The following KRT8 variants were observed in gnomAD, a reference collection of about 807,000 sequenced individuals.
The protein encoded by KRT8 is keratin 8.
KRT8 carries 24 observed loss-of-function variants against 43.0 expected under a neutral mutation model. That is an observed-to-expected ratio of 0.56 (90% CI 0.40 to 0.78). The LOEUF (loss-of-function observed/expected upper bound fraction) is 0.78. Ranked by LOEUF, KRT8 falls within the 30% of genes least tolerant of loss-of-function variation. KRT8 has a pLI of 0.00. For missense variants in KRT8, 492 were observed against 638.4 expected (o/e 0.77, Z 2.47); for synonymous variants, 214 against 261.2 (o/e 0.82, Z 1.74).
chr12:52,921,096 AAGCCCAGGCC>A (rs1214491254), intron 2 of KRT8, among the ~76,000 whole-genome samples: 2 of 152,312 alleles, frequency 1.3e-5, no homozygotes, highest in East Asian at 1.9e-4. Context: ...GGAATGGGCT[AAGCCCAGGCC>A]AGCCCAGGCC....
upstream of KRT8, chr12:52,906,689 G>A: frequency 2.2e-6 from 1 of 455,974 alleles, no homozygotes; most frequent in South Asian, 1.5e-5. Context: ...ACTGCAGGGT[G>A]TGATGTGGGG....
rs1565732860 is a variant in KRT8, at chr12:52,938,151, TA to T, written c.-47+11304del. Among the ~76,000 whole-genome samples the T allele has an allele frequency of 6.0e-4, 22 of 36,536 alleles. 1 individual carries two copies. The highest frequency in any genetic ancestry group is 8.0e-4 in the Non-Finnish European group (16 of 19,902). 24.0% of individuals were successfully genotyped at this position (36,536 alleles called of 152,430 possible). A position where few individuals can be genotyped will look rare whatever the true frequency, so the allele number is the denominator to read the frequency against. On this transcript the variant is annotated intron_variant, in intron 2 of 6. Coordinates refer to the KRT8 transcript ENST00000546826. ...CACTAGAAAGCTATATATATATATA[TA>T]TATATATATATATATATATTTTTTT...
chr12:52,918,073 AGAGGAGGAGGAGGAGAAGAAGAAGAG>A (rs1941786463), intron 2 of KRT8, among the ~76,000 whole-genome samples: 1 of 41,878 alleles, frequency 2.4e-5, no homozygotes, highest in Non-Finnish European at 4.3e-5. Flanking sequence ...GAGAAGAAGA[AGAGGAGGAGGAGGAGAAGAAGAAGAG>A]GAAGAAGAAG....
At position 52,897,517 on chromosome 12, in the gene KRT8, T is replaced by C. The variant is rs112415530; in HGVS notation, c.1363A>G (p.Thr455Ala). 693 of 1,598,788 alleles carry C rather than the reference T, an allele frequency of 4.3e-4. 3 individuals carry two copies. Among genetic ancestry groups the C allele is most frequent in the Middle Eastern group, 1.2e-3 (6 of 5,208 alleles). Reference sequence around the variant, plus strand: ...ACAACCACGGCCCTGGAGGAGCTGGTGCGGCTGAAGGAGCTGGAGCCCGCG... The same window carrying C: ...ACAACCACGGCCCTGGAGGAGCTGGCGCGGCTGAAGGAGCTGGAGCCCGCG... The change falls in exon 8 of 8, where the codon ACC (threonine) becomes GCC (alanine). Residue 455 changes from threonine to alanine, a missense_variant. By Grantham distance (58) the Thr-to-Ala change is moderately conservative (BLOSUM62 0). Transcript: ENST00000692008.
upstream of KRT8, among the ~76,000 whole-genome samples, chr12:52,907,763 A>C (rs116958576): frequency 0.023 from 3,529 of 152,288 alleles, 73 homozygotes; most frequent in Admixed American, 0.051. Flanking sequence ...TGCCCCAAGC[A>C]CAGCCTCGGT....
At chr12:52,926,486 G>T (rs115369093) in intron 2 of KRT8, 35 of 1,534,664 alleles carry the variant, frequency 2.3e-5, no homozygotes, top group Non-Finnish European at 3.1e-5. Context: ...CATGCATCAG[G>T]CACCTCCCCA....
chr12:52,949,027 C>T (rs1942405291), intron 2 of KRT8: 3 of 723,040 alleles, frequency 4.1e-6, no homozygotes, highest in Admixed American at 2.5e-5. Flanking sequence ...GGCTCCGAGC[C>T]GTCCACCTGT....
intron 6 of KRT8, 65 bp from the exon 7 acceptor site, chr12:52,898,584 C>A (rs1353602674): frequency 6.8e-6 from 11 of 1,611,760 alleles, no homozygotes; most frequent in African/African-American, 1.3e-5. Context: ...AACAACAGGA[C>A]CCCAAGTCCC....
intron 2 of KRT8, among the ~76,000 whole-genome samples, chr12:52,932,233 C>T (rs541901338): frequency 8.6e-5 from 13 of 151,828 alleles, no homozygotes; most frequent in African/African-American, 2.9e-4. Context: ...GGATTACAAG[C>T]GCCTGCAACC....
intron 2 of KRT8, among the ~76,000 whole-genome samples, chr12:52,938,170 A>ATATATATATTTTTTTTTT (rs1555189967): frequency 9.9e-5 from 3 of 30,312 alleles, no homozygotes; most frequent in African/African-American, 1.4e-4. Flanking sequence ...ATATATATAT[A>ATATATATATTTTTTTTTT]TTTTTTTTTT....
intron 2 of KRT8, among the ~76,000 whole-genome samples, chr12:52,939,497 G>A (rs962486649): frequency 6.6e-6 from 1 of 151,970 alleles, no homozygotes; most frequent in African/African-American, 2.4e-5. Context: ...GAGGCAGGCA[G>A]ATGACTTGAG....
intron 2 of KRT8, among the ~76,000 whole-genome samples, chr12:52,932,182 C>T (rs1212995309): frequency 6.6e-6 from 1 of 150,452 alleles, no homozygotes. Flanking sequence ...CAACCTCCAC[C>T]CTCTGGGTTC....
intron 2 of KRT8, among the ~76,000 whole-genome samples, chr12:52,944,170 T>A (rs1285740448): frequency 6.6e-6 from 1 of 152,164 alleles, no homozygotes; most frequent in Non-Finnish European, 1.5e-5. Context: ...GATATTACTA[T>A]TTTTCTCATT....
chr12:52,904,615 A>C lies in KRT8; in HGVS notation c.324+43T>G, dbSNP rs1352595384. On this transcript the variant is annotated intron_variant, in intron 1 of 7. Coordinates refer to ENST00000692008, the Ensembl canonical transcript of KRT8. Reference sequence around the variant, plus strand: ...CATAGGGACCGGGACTACCAGGAGAAAGGGGCTGCGGGCACAGTCAGCCAC... The same window carrying C: ...CATAGGGACCGGGACTACCAGGAGACAGGGGCTGCGGGCACAGTCAGCCAC... The C allele has an allele frequency of 3.8e-6, 6 of 1,574,892 alleles. No individual in the cohort carries two copies. In the South Asian group the frequency reaches 6.7e-5, roughly 17 times the overall value.
chr12:52,898,935 G>A (rs758258189), intron 5 of KRT8, 36 bp from the exon 6 acceptor site: 1 of 1,594,508 alleles, frequency 6.3e-7, no homozygotes, highest in Non-Finnish European at 8.6e-7. Context: ...GGTCAGGTTG[G>A]GTATGCCTTC....
Position 52,938,170 on chromosome 12 carries a change from A to ATATATATATATAT in KRT8, c.-47+11285_-47+11286insATATATATATATA, listed in dbSNP as rs1555189967. On this transcript the variant is annotated intron_variant, in intron 2 of 6. Transcript: ENST00000546826. ...TATATATATATATATATATATATAT[A>ATATATATATATAT]TTTTTTTTTTTTTTTATATATAAGG... is the stretch of plus-strand genomic sequence containing the variant. Among the ~76,000 whole-genome samples, 49 of 30,268 alleles carry ATATATATATATAT rather than the reference A, an allele frequency of 1.6e-3. 1 individual carries two copies. Among genetic ancestry groups the ATATATATATATAT allele is most frequent in the Non-Finnish European group, 2.2e-3 (37 of 16,920 alleles). 19.9% of individuals were successfully genotyped at this position (30,268 alleles called of 152,430 possible).
At chr12:52,943,615 G>T (rs557259160) in intron 2 of KRT8, among the ~76,000 whole-genome samples, 1 of 152,194 alleles carries the variant, frequency 6.6e-6, no homozygotes, top group African/African-American at 2.4e-5. Flanking sequence ...AGGTGGGCCC[G>T]TTGCACGTGG....
intron 2 of KRT8, among the ~76,000 whole-genome samples, chr12:52,925,218 C>T (rs974676339): frequency 6.6e-5 from 10 of 152,080 alleles, no homozygotes; most frequent in Non-Finnish European, 8.8e-5. Flanking sequence ...AGGTCAGGAC[C>T]GGGAGGAATG....
At chr12:52,937,184 A>G (rs1279260108) in intron 2 of KRT8, among the ~76,000 whole-genome samples, 2 of 151,622 alleles carry the variant, frequency 1.3e-5, no homozygotes, top group African/African-American at 4.8e-5. Context: ...CAACCTGGGC[A>G]ACACCGTGAA....
Sources: gnomAD v4.1 joint callset for allele counts (sites outside exome capture counted in the v4.1 genomes callset) on GRCh38, gnomAD v4.1.1 for gene constraint, MANE v1.5 for transcripts, NCBI Gene and HGNC (gene_info 2026-07-23, HGNC 2026-07-21) for gene names.